Variants in HPSE2 observed in about 807,000 individuals in gnomAD.
The protein encoded by HPSE2 is inactive heparanase-2.
A neutral mutation model predicts 60.5 loss-of-function variants in HPSE2; 38 were observed. The observed-to-expected ratio is 0.63, with a 90% CI of 0.48 to 0.82. HPSE2 has a LOEUF of 0.82. HPSE2 is among the 40% of genes least tolerant of loss of function. The pLI, the probability that HPSE2 is intolerant of heterozygous loss-of-function variation, is 0.00. For synonymous variants in HPSE2, 295 were observed against 293.2 expected, an observed-to-expected ratio of 1.01 and a Z score of -0.06; for missense variants, 713 against 740.4, an observed-to-expected ratio of 0.96 and a Z score of 0.43.
intron 3 of HPSE2, among the ~76,000 whole-genome samples, chr10:98,916,548 T>C (rs1052787777): frequency 1.3e-5 from 2 of 152,208 alleles, no homozygotes; most frequent in South Asian, 2.1e-4. Flanking sequence ...TTGTGACAGA[T>C]AGGTAAACAA....
intron 9 of HPSE2, among the ~76,000 whole-genome samples, chr10:98,594,512 A>C (rs1376717022): frequency 6.6e-6 from 1 of 152,070 alleles, no homozygotes; most frequent in East Asian, 1.9e-4. Context: ...AAAAGGAACA[A>C]TTTAACTTAT....
intron 3 of HPSE2, among the ~76,000 whole-genome samples, chr10:99,118,230 A>C (rs1844786651): frequency 6.6e-6 from 1 of 152,170 alleles, no homozygotes; most frequent in African/African-American, 2.4e-5. Flanking sequence ...AAGTATTGAA[A>C]GAACCTACCT....
intron 2 of HPSE2, among the ~76,000 whole-genome samples, chr10:99,211,923 A>G (rs1194650143): frequency 6.6e-6 from 1 of 152,190 alleles, no homozygotes; most frequent in Non-Finnish European, 1.5e-5. Context: ...AACCTAAAAA[A>G]TGAGAAAATA....
At chr10:99,078,206 T>C (rs1441309745) in intron 3 of HPSE2, among the ~76,000 whole-genome samples, 1 of 152,190 alleles carries the variant, frequency 6.6e-6, no homozygotes, top group Admixed American at 6.5e-5. Flanking sequence ...TATTCCTTTA[T>C]GGTAACACAA....
the HPSE2 span, among the ~76,000 whole-genome samples, chr10:99,275,633 C>T: frequency 2.6e-5 from 4 of 152,296 alleles, no homozygotes; most frequent in Admixed American, 6.5e-5. Context: ...ACCCATTTTA[C>T]GGCATTCTTC....
intron 3 of HPSE2, among the ~76,000 whole-genome samples, chr10:98,854,579 A>G (rs1286496215): frequency 6.6e-6 from 1 of 152,230 alleles, no homozygotes; most frequent in Non-Finnish European, 1.5e-5. Flanking sequence ...ACTGCTACAC[A>G]TAAACAGCTA....
intron 3 of HPSE2, among the ~76,000 whole-genome samples, chr10:98,954,833 A>G (rs1955462252): frequency 6.6e-6 from 1 of 152,004 alleles, no homozygotes; most frequent in Non-Finnish European, 1.5e-5. Flanking sequence ...GTTATGTGAT[A>G]GTGAAACTAC....
At chr10:98,773,962 G>A (rs1950291689) in intron 3 of HPSE2, among the ~76,000 whole-genome samples, 1 of 152,032 alleles carries the variant, frequency 6.6e-6, no homozygotes, top group African/African-American at 2.4e-5. Context: ...GGGCTGAGGT[G>A]GGAGGATCAC....
At chr10:98,949,813 T>C (rs1955301808) in intron 3 of HPSE2, among the ~76,000 whole-genome samples, 1 of 152,076 alleles carries the variant, frequency 6.6e-6, no homozygotes, top group Non-Finnish European at 1.5e-5. Flanking sequence ...AGCACATGTG[T>C]TTTTTATAAA....
intron 2 of HPSE2, among the ~76,000 whole-genome samples, chr10:99,195,448 A>C (rs994695406): frequency 1.3e-5 from 2 of 152,072 alleles, no homozygotes; most frequent in Non-Finnish European, 2.9e-5. Flanking sequence ...ATATAATCTT[A>C]TATTTGGAAA....
At position 98,707,482 on chromosome 10, in the gene HPSE2, T is replaced by C. The variant is rs1029399027; in HGVS notation, c.957-13535A>G. Among the ~76,000 whole-genome samples the C allele has an allele frequency of 2.6e-5, 4 of 152,298 alleles. No homozygotes were observed. In the East Asian group the frequency reaches 7.7e-4, roughly 29 times the overall value. On this transcript the variant is annotated intron_variant, in intron 5 of 11. Transcript: ENST00000370552. ...ACTGAATAGTTTTCTCTGCTATATG[T>C]GAGAATTAAGTCCTCATATAATGTT...
At chr10:99,094,496 TTC>T (rs914368057) in intron 3 of HPSE2, among the ~76,000 whole-genome samples, 5 of 140,642 alleles carry the variant, frequency 3.6e-5, no homozygotes, top group South Asian at 2.2e-4. Flanking sequence ...ATTTCAGTTA[TTC>T]TCTCTTTTTT....
At chr10:99,292,103 C>G in the HPSE2 span, among the ~76,000 whole-genome samples, 1 of 152,060 alleles carries the variant, frequency 6.6e-6, no homozygotes, top group Non-Finnish European at 1.5e-5. Flanking sequence ...TTGTAAGGGC[C>G]TACATATCCT....
chr10:99,122,668 A>T (rs1457794344), intron 3 of HPSE2, among the ~76,000 whole-genome samples: 1 of 152,124 alleles, frequency 6.6e-6, no homozygotes, highest in Non-Finnish European at 1.5e-5. Flanking sequence ...ATAACTGAAC[A>T]AATGGAGATA....
chr10:98,967,740 T>C (rs1955848963), intron 3 of HPSE2, among the ~76,000 whole-genome samples: 1 of 152,198 alleles, frequency 6.6e-6, no homozygotes, highest in South Asian at 2.1e-4. Context: ...ATTTGAATGA[T>C]GATTCAGTTG....
intron 11 of HPSE2, among the ~76,000 whole-genome samples, chr10:98,482,354 G>A (rs1941269951): frequency 6.6e-6 from 1 of 152,190 alleles, no homozygotes; most frequent in South Asian, 2.1e-4. Flanking sequence ...CAATGTGATA[G>A]TTGTGTATAA....
intron 9 of HPSE2, among the ~76,000 whole-genome samples, chr10:98,527,073 C>T (rs186208313): frequency 2.6e-5 from 4 of 152,062 alleles, no homozygotes; most frequent in Non-Finnish European, 5.9e-5. Flanking sequence ...CTTAACCTTA[C>T]CCCTTCCTAG....
intron 3 of HPSE2, among the ~76,000 whole-genome samples, chr10:98,948,868 T>G (rs1420121369): frequency 1.3e-5 from 2 of 152,150 alleles, no homozygotes; most frequent in Non-Finnish European, 2.9e-5. Flanking sequence ...ATGATTTTCT[T>G]AATAACCTTT....
intron 2 of HPSE2, among the ~76,000 whole-genome samples, chr10:99,221,915 G>C (rs930971782): frequency 1.3e-5 from 2 of 152,136 alleles, no homozygotes; most frequent in Admixed American, 1.3e-4. Flanking sequence ...GCAGTGACAG[G>C]AGGAAAGTGG....
Sources: allele counts gnomAD v4.1 joint callset (sites outside exome capture counted in the v4.1 genomes callset), GRCh38; gene constraint gnomAD v4.1.1; transcripts MANE v1.5; gene names NCBI Gene and HGNC (gene_info 2026-07-23, HGNC 2026-07-21).